The following RIT1 variants were observed in gnomAD, a reference collection of about 807,000 sequenced individuals.
The protein encoded by RIT1 is GTP-binding protein Rit1.
RIT1 carries 6 observed loss-of-function variants against 25.6 expected under a neutral mutation model. That is an observed-to-expected ratio of 0.23 (90% CI 0.13 to 0.46). RIT1 has a LOEUF of 0.46. Among genes scored for constraint, RIT1 ranks in the 20% least tolerant of loss-of-function variants. RIT1 has a pLI of 0.99. For missense variants in RIT1, 219 were observed against 284.4 expected (o/e 0.77, Z 1.65); for synonymous variants, 81 against 94.1 (o/e 0.86, Z 0.80).
chr1:155,900,908 C>T (rs1163562408), intron 5 of RIT1, among the ~76,000 whole-genome samples: 1 of 152,118 alleles, frequency 6.6e-6, no homozygotes, highest in Non-Finnish European at 1.5e-5. Context: ...CTCGGCCTCC[C>T]GGGTTCAAGT....
rs769724664 is a variant in RIT1, at chr1:155,900,476, A to G, written c.572T>C (p.Leu191Pro). The change falls in exon 6 of 6, where the codon CTG becomes CCG. Residue 191 changes from leucine to proline, a missense_variant. Coordinates refer to ENST00000368323, the MANE Select transcript of RIT1 (RefSeq NM_006912.6). ...EIRRKEKEAV[L>P]AMEKKSKPKN... ...GGGCTTAGATTTTTTCTCCATGGCCAGTACTGCCTCCTTTTCTTTCCTACG... is the reference window on the plus strand; with the variant it reads ...GGGCTTAGATTTTTTCTCCATGGCCGGTACTGCCTCCTTTTCTTTCCTACG... 6.2e-7 allele frequency: 1 copy of G among 1,614,156 alleles called. No individual in the cohort carries two copies. Among genetic ancestry groups the G allele is most frequent in the South Asian group, 1.1e-5 (1 of 91,088 alleles).
chr1:155,898,120 T>TA lies in RIT1; in HGVS notation c.*2267dup, dbSNP rs1231957041. On this transcript the variant is annotated 3_prime_UTR_variant, in exon 6 of 6. Transcript: ENST00000368323. ...CTCAAATTAGATAAAGCTGATTACT[T>TA]AGAGCTTATAAATTAGCTACACTTT... 6.6e-6 allele frequency: 1 copy of TA among 152,294 alleles called. No individual in the cohort carries two copies. The highest frequency in any genetic ancestry group is 1.5e-5 in the Non-Finnish European group (1 of 68,044). 9.4% of individuals were successfully genotyped at this position (152,294 alleles called of 1,614,324 possible). A position where few individuals can be genotyped will look rare whatever the true frequency, so the allele number is the denominator to read the frequency against.
Position 155,900,456 on chromosome 1 carries a change from T to C in RIT1, c.592A>G (p.Lys198Glu). Residue 198 changes from lysine to glutamate, a missense_variant, in exon 6 of 6, where the codon AAG (lysine) becomes GAG (glutamate). Lys to Glu is a moderately conservative substitution (Grantham distance 56). Coordinates refer to ENST00000368323, the MANE Select transcript of RIT1 (RefSeq NM_006912.6). ...EAVLAMEKKS[K>E]PKNSVWKRLK... ...CTCTTCCATACACTGTTTTTGGGCT[T>C]AGATTTTTTCTCCATGGCCAGTACT... 1.2e-6 allele frequency: 2 copies of C among 1,614,208 alleles called. No individual in the cohort carries two copies. Among genetic ancestry groups the C allele is most frequent in the Non-Finnish European group, 1.7e-6 (2 of 1,180,018 alleles).
intron 3 of RIT1, among the ~76,000 whole-genome samples, chr1:155,908,232 G>A (rs1673495901): frequency 6.6e-6 from 1 of 151,966 alleles, no homozygotes; most frequent in Admixed American, 6.6e-5. Flanking sequence ...AAGGCAGACA[G>A]ATCACGAGGT....
chr1:155,905,171 C>T (rs973621898), intron 3 of RIT1, among the ~76,000 whole-genome samples: 2 of 151,958 alleles, frequency 1.3e-5, no homozygotes, highest in African/African-American at 4.8e-5. Flanking sequence ...GAGTTCAAGA[C>T]CAGCCTGGGC....
intron 3 of RIT1, among the ~76,000 whole-genome samples, chr1:155,905,830 TA>T (rs1673425980): frequency 6.6e-6 from 1 of 151,620 alleles, no homozygotes; most frequent in African/African-American, 2.4e-5. Flanking sequence ...TATAATTCAC[TA>T]TTTTTTTTTT....
At chr1:155,909,390 CA>C (rs1282854882) in intron 3 of RIT1, among the ~76,000 whole-genome samples, 1 of 149,796 alleles carries the variant, frequency 6.7e-6, no homozygotes, top group Admixed American at 6.6e-5. Flanking sequence ...AAAAAAAAAA[CA>C]AAAAAAGAAA....
chr1:155,908,016 G>A (rs981882050), intron 3 of RIT1, among the ~76,000 whole-genome samples: 7 of 151,208 alleles, frequency 4.6e-5, no homozygotes, highest in African/African-American at 1.7e-4. Flanking sequence ...CATGAACCCC[G>A]GGGGGGCGGA....
chr1:155,910,928 G>A (rs1673584130), intron 1 of RIT1, 124 bp from the exon 2 acceptor site: 1 of 1,549,232 alleles, frequency 6.5e-7, no homozygotes, highest in Admixed American at 2.0e-5. Context: ...TGTCCCTCTT[G>A]CTCACCACTG....
intron 5 of RIT1, 119 bp from the exon 6 acceptor site, chr1:155,900,737 T>C: frequency 1.3e-6 from 1 of 741,176 alleles, no homozygotes; most frequent in Non-Finnish European, 2.2e-6. Flanking sequence ...TGTTCAAGCA[T>C]ACAGCACTAA....
At chr1:155,910,839 G>A in intron 1 of RIT1, 35 bp from the exon 2 acceptor site, 2 of 1,611,602 alleles carry the variant, frequency 1.2e-6, no homozygotes, top group Non-Finnish European at 1.7e-6. Context: ...AATCCAGGAT[G>A]GAGACACCAC....
intron 5 of RIT1, among the ~76,000 whole-genome samples, chr1:155,901,021 G>A (rs535536348): frequency 2.4e-4 from 36 of 152,206 alleles, no homozygotes; most frequent in South Asian, 2.1e-4. Context: ...CTCCATGTTG[G>A]TCAGGCTGGT....
Position 155,904,718 on chromosome 1 carries a change from TG to T in RIT1, c.237+12del, listed in dbSNP as rs763868802. 9 of 1,593,040 alleles carry T rather than the reference TG, an allele frequency of 5.6e-6. No individual in the cohort carries two copies. Among genetic ancestry groups the T allele is most frequent in the African/African-American group, 1.3e-5 (1 of 74,524 alleles). On this transcript the variant is annotated intron_variant, in intron 4 of 5. Transcript: ENST00000368323. ...AAAAAAGCCTTTACTCATAACATTC[TG>T]GGATTTAATACCTGTCCAGCTGTAT...
Position 155,911,302 on chromosome 1 carries a change from G to A in RIT1, c.-103C>T, listed in dbSNP as rs940254648. On this transcript the variant is annotated 5_prime_UTR_variant, in exon 1 of 6. Transcript: ENST00000368323. ...AGTGGGGACTGGAACACCACAGCCG[G>A]TCGGGTCACGCACTTCGTCTTCCTT... The A allele has an allele frequency of 3.4e-5, 7 of 207,636 alleles. No homozygotes were observed. The highest frequency in any genetic ancestry group is 4.9e-5 in the Non-Finnish European group (5 of 101,272). 12.9% of individuals were successfully genotyped at this position (207,636 alleles called of 1,614,324 possible). A position where few individuals can be genotyped will look rare whatever the true frequency, so the allele number is the denominator to read the frequency against.
chr1:155,906,682 A>G (rs1217744511), intron 3 of RIT1, among the ~76,000 whole-genome samples: 2 of 147,910 alleles, frequency 1.4e-5, no homozygotes, highest in Non-Finnish European at 3.0e-5. Context: ...AATCGCTTGA[A>G]CTGGGAGGTG....
chr1:155,900,041 G>A lies in RIT1; in HGVS notation c.*347C>T, dbSNP rs1673279482. 3.5e-6 allele frequency: 1 copy of A among 286,084 alleles called. No individual in the cohort carries two copies. The highest frequency in any genetic ancestry group is 6.6e-6 in the Non-Finnish European group (1 of 150,726). The allele number at this position is 286,084 out of a possible 1,614,324, so 17.7% of individuals were successfully genotyped here. A position where few individuals can be genotyped will look rare whatever the true frequency, so the allele number is the denominator to read the frequency against. On this transcript the variant is annotated 3_prime_UTR_variant, in exon 6 of 6. Transcript: ENST00000368323. ...GAAATTGAAATTAAAGGATAATGTGGAGTGCAGAGCCAAAAACTTCCCTTG... is the reference window on the plus strand; with the variant it reads ...GAAATTGAAATTAAAGGATAATGTGAAGTGCAGAGCCAAAAACTTCCCTTG...
intron 3 of RIT1, among the ~76,000 whole-genome samples, chr1:155,907,567 T>C (rs755999849): frequency 6.6e-6 from 1 of 152,228 alleles, no homozygotes; most frequent in South Asian, 2.1e-4. Context: ...TGTATGCTTT[T>C]ATATCTCTAC....
chr1:155,901,307 C>G (rs1230604849), intron 5 of RIT1, among the ~76,000 whole-genome samples: 1 of 151,836 alleles, frequency 6.6e-6, no homozygotes, highest in African/African-American at 2.4e-5. Context: ...TGAGACCAAG[C>G]TGGGCAATAT....
At chr1:155,905,062 A>T (rs911431190) in intron 3 of RIT1, among the ~76,000 whole-genome samples, 1 of 152,212 alleles carries the variant, frequency 6.6e-6, no homozygotes, top group African/African-American at 2.4e-5. Context: ...TTCTGAGAAG[A>T]TGTCTTTCTT....
Sources: allele counts gnomAD v4.1 joint callset (sites outside exome capture counted in the v4.1 genomes callset), GRCh38; gene constraint gnomAD v4.1.1; transcripts MANE v1.5; gene names NCBI Gene and HGNC (gene_info 2026-07-23, HGNC 2026-07-21).